CABCOCO1: variants seen among roughly 807,000 people sequenced by gnomAD.
The protein encoded by CABCOCO1 is ciliary-associated calcium-binding coiled-coil protein 1.
In CABCOCO1, 28 loss-of-function variants were observed where a neutral mutation model predicts 35.7. The observed-to-expected ratio is 0.78, with a 90% confidence interval of 0.58 to 1.07. CABCOCO1 has a LOEUF of 1.07. Among genes scored for constraint, CABCOCO1 ranks in the 50% least tolerant of loss-of-function variants. The pLI, the probability that CABCOCO1 is intolerant of heterozygous loss-of-function variation, is 0.00. For missense variants in CABCOCO1, 326 were observed against 309.2 expected, an observed-to-expected ratio of 1.05 and a Z score of -0.41; for synonymous variants, 95 against 100.1, an observed-to-expected ratio of 0.95 and a Z score of 0.30.
At chr10:61,680,357 T>A (rs1839677310) in intron 2 of CABCOCO1, among the ~76,000 whole-genome samples, 2 of 137,788 alleles carry the variant, frequency 1.5e-5, no homozygotes, top group Admixed American at 7.9e-5. Flanking sequence ...ACATATATAA[T>A]ATATATATTT....
At chr10:61,730,380 T>C (rs1235480836) in intron 5 of CABCOCO1, among the ~76,000 whole-genome samples, 1 of 152,034 alleles carries the variant, frequency 6.6e-6, no homozygotes, top group Non-Finnish European at 1.5e-5. Context: ...TGTAACTATT[T>C]GAGCAAAATA....
intron 5 of CABCOCO1, among the ~76,000 whole-genome samples, chr10:61,759,474 G>A (rs1306546994): frequency 1.3e-5 from 2 of 151,902 alleles, no homozygotes; most frequent in African/African-American, 2.4e-5. Context: ...TGAGTGGCAC[G>A]CTGTTGCTAA....
At position 61,717,357 on chromosome 10, in the gene CABCOCO1, A is replaced by AAAT. The variant is rs893813469; in HGVS notation, c.552+26738_552+26740dup. Among the ~76,000 whole-genome samples, 74 of 152,250 alleles carry AAAT rather than the reference A, an allele frequency of 4.9e-4. 1 individual carries two copies. Among genetic ancestry groups the AAAT allele is most frequent in the African/African-American group, 1.7e-3 (71 of 41,586 alleles). On this transcript the variant is annotated intron_variant, in intron 5 of 7. Coordinates refer to ENST00000648843, the MANE Select transcript of CABCOCO1 (RefSeq NM_001366906.2). ...TTTATGAATTCTTATTTTTGAAAAT[A>AAAT]AATACATCAATTTTCTGGCGAATGG... is the stretch of plus-strand genomic sequence containing the variant.
intron 5 of CABCOCO1, among the ~76,000 whole-genome samples, chr10:61,750,030 G>T (rs572625367): frequency 6.7e-6 from 1 of 150,184 alleles, no homozygotes; most frequent in Admixed American, 6.7e-5. Context: ...ACTGACCTTA[G>T]GGCCTCCCCA....
chr10:61,754,993 G>T (rs905885989), intron 5 of CABCOCO1, among the ~76,000 whole-genome samples: 1 of 152,152 alleles, frequency 6.6e-6, no homozygotes, highest in Non-Finnish European at 1.5e-5. Flanking sequence ...TTAATGTGCT[G>T]CATTTGCAAA....
chr10:61,685,160 T>C lies in CABCOCO1; in HGVS notation c.335-881T>C, dbSNP rs553237238. 5 of 152,214 alleles carry C rather than the reference T, an allele frequency of 3.3e-5. No individual in the cohort carries two copies. The East Asian group carries it at 9.7e-4, about 29-fold the overall frequency. 9.4% of individuals were successfully genotyped at this position (152,214 alleles called of 1,614,324 possible). A position where few individuals can be genotyped will look rare whatever the true frequency, so the allele number is the denominator to read the frequency against. ...TACATGAGTTATAAGTCTGTGGCTG[T>C]GGAAAAGAAAAAAAAACTTGATGTT... On this transcript the variant is annotated intron_variant, in intron 3 of 7. Coordinates refer to ENST00000648843, the MANE Select transcript of CABCOCO1 (RefSeq NM_001366906.2).
intron 4 of CABCOCO1, among the ~76,000 whole-genome samples, chr10:61,689,292 T>C (rs1204329342): frequency 6.6e-6 from 1 of 152,178 alleles, no homozygotes; most frequent in Non-Finnish European, 1.5e-5. Flanking sequence ...TTTGAATTTA[T>C]TTTGCATCAT....
intron 5 of CABCOCO1, among the ~76,000 whole-genome samples, chr10:61,703,227 GACACACACACACACACAC>G (rs35152499): frequency 3.5e-5 from 5 of 141,586 alleles, no homozygotes; most frequent in Non-Finnish European, 6.2e-5. Context: ...CTTGTGAGGA[GACACACACACACACACAC>G]ACACACACAC....
At chr10:61,729,846 G>T (rs1222217346) in intron 5 of CABCOCO1, among the ~76,000 whole-genome samples, 1 of 152,128 alleles carries the variant, frequency 6.6e-6, no homozygotes, top group Non-Finnish European at 1.5e-5. Flanking sequence ...CGTGCTAAGT[G>T]AAATAAGTCA....
At position 61,690,727 on chromosome 10, in the gene CABCOCO1, C is replaced by G. The variant is rs935875224; in HGVS notation, c.552+106C>G. On this transcript the variant is annotated intron_variant, in intron 5 of 7. Transcript: ENST00000648843. ...AAAGCAACTTCTTGTCAAGATTATT[C>G]AAGTGTTAATATAATCAACTCGTAG... 4.0e-5 allele frequency: 26 copies of G among 651,250 alleles called. No homozygotes were observed. In the African/African-American group the frequency reaches 4.5e-4, roughly 11 times the overall value. 40.3% of individuals were successfully genotyped at this position (651,250 alleles called of 1,614,324 possible).
At chr10:61,689,991 G>A (rs1471697305) in intron 4 of CABCOCO1, among the ~76,000 whole-genome samples, 1 of 151,992 alleles carries the variant, frequency 6.6e-6, no homozygotes, top group African/African-American at 2.4e-5. Flanking sequence ...TCCCTTTCAT[G>A]TATGACCGAA....
At chr10:61,746,790 T>C (rs994387000) in intron 5 of CABCOCO1, among the ~76,000 whole-genome samples, 1 of 152,174 alleles carries the variant, frequency 6.6e-6, no homozygotes, top group African/African-American at 2.4e-5. Flanking sequence ...AGCTGTTTTG[T>C]ATATGTTGGA....
chr10:61,715,504 C>T (rs1318850884), intron 5 of CABCOCO1, among the ~76,000 whole-genome samples: 1 of 152,104 alleles, frequency 6.6e-6, no homozygotes, highest in Middle Eastern at 3.2e-3. Context: ...GGCATTTAGC[C>T]CATTTACATT....
chr10:61,765,810 C>G, intron 7 of CABCOCO1, 129 bp from the exon 8 acceptor site: 2 of 756,744 alleles, frequency 2.6e-6, no homozygotes, highest in Non-Finnish European at 4.3e-6. Flanking sequence ...ACAGCTATGT[C>G]TGCAAAACAG....
At chr10:61,737,956 TA>T (rs1370216108) in intron 5 of CABCOCO1, among the ~76,000 whole-genome samples, 4 of 151,240 alleles carry the variant, frequency 2.6e-5, no homozygotes, top group Non-Finnish European at 5.9e-5. Flanking sequence ...CAAACTAAAA[TA>T]AAAATTTTTT....
intron 5 of CABCOCO1, among the ~76,000 whole-genome samples, chr10:61,699,077 C>T (rs966659522): frequency 6.6e-6 from 1 of 152,130 alleles, no homozygotes; most frequent in Admixed American, 6.6e-5. Context: ...GAAGATCATA[C>T]AGGCCATAAT....
intron 5 of CABCOCO1, among the ~76,000 whole-genome samples, chr10:61,700,316 A>G (rs1840415564): frequency 6.6e-6 from 1 of 152,140 alleles, no homozygotes; most frequent in Non-Finnish European, 1.5e-5. Flanking sequence ...CAGAAAAGGC[A>G]TAATAGTCTT....
intron 1 of CABCOCO1, among the ~76,000 whole-genome samples, chr10:61,670,318 T>A (rs1028909898): frequency 6.6e-6 from 1 of 152,164 alleles, no homozygotes; most frequent in South Asian, 2.1e-4. Context: ...ATTCAATTTG[T>A]AAATATCTGA....
chr10:61,703,031 T>A (rs1465777420), intron 5 of CABCOCO1, among the ~76,000 whole-genome samples: 2 of 152,094 alleles, frequency 1.3e-5, no homozygotes, highest in East Asian at 3.9e-4. Flanking sequence ...TACTTTTTCT[T>A]CTATTTGCCT....
Sources: gnomAD v4.1 joint callset for allele counts (sites outside exome capture counted in the v4.1 genomes callset) on GRCh38, gnomAD v4.1.1 for gene constraint, MANE v1.5 for transcripts, NCBI Gene and HGNC (gene_info 2026-07-23, HGNC 2026-07-21) for gene names.